The following MGAM variants were observed in gnomAD, a reference collection of about 807,000 sequenced individuals.
MGAM encodes the protein maltase-glucoamylase.
MGAM carries 253 observed loss-of-function variants against 358.8 expected under a neutral mutation model. The observed-to-expected ratio is 0.71, with a 90% CI of 0.64 to 0.78. The LOEUF (loss-of-function observed/expected upper bound fraction) is 0.78, where lower values mean the gene tolerates loss of function less well. MGAM is among the 30% of genes least tolerant of loss of function. The pLI, the probability that MGAM is intolerant of heterozygous loss-of-function variation, is 0.00. For synonymous variants in MGAM, 1,105 were observed against 1,227.1 expected, an observed-to-expected ratio of 0.90 and a Z score of 2.08; for missense variants, 3,080 against 3,432.6, an observed-to-expected ratio of 0.90 and a Z score of 2.57.
At chr7:142,036,037 A>C (rs1212509702) in intron 16 of MGAM, 132 bp from the exon 17 acceptor site, 1 of 652,828 alleles carries the variant, frequency 1.5e-6, no homozygotes. Flanking sequence ...GGCTATGACC[A>C]AATTTTGACC....
At chr7:142,021,330 G>A (rs975260149) in intron 5 of MGAM, among the ~76,000 whole-genome samples, 1 of 152,094 alleles carries the variant, frequency 6.6e-6, no homozygotes, top group Admixed American at 6.5e-5. Flanking sequence ...ATAACATGTG[G>A]AATATGGTAG....
rs1468968846 is a variant in MGAM, at chr7:142,058,087, A to G, written c.3694-116A>G. 12 of 1,516,772 alleles carry G rather than the reference A, an allele frequency of 7.9e-6. No homozygotes were observed. In the Admixed American group the frequency reaches 1.3e-4, roughly 17 times the overall value. The allele number at this position is 1,516,772 out of a possible 1,614,324, so 94.0% of individuals were successfully genotyped here. A position where few individuals can be genotyped will look rare whatever the true frequency, so the allele number is the denominator to read the frequency against. On this transcript the variant is annotated intron_variant, in intron 30 of 70. Transcript: ENST00000475668. ...CTATATCCTGTCAGTTTTGGTCTGG[A>G]TTTCAATTAGTTAGTTGTCTAGCTT...
chr7:142,102,788 C>T (rs528676724), intron 69 of MGAM, 109 bp downstream of exon 69: 299 of 1,081,864 alleles, frequency 2.8e-4, no homozygotes, highest in Non-Finnish European at 3.6e-4. Context: ...GCTCATCTTG[C>T]TAATTCACAT....
At chr7:142,100,559 A>T (rs1442760146) in intron 67 of MGAM, among the ~76,000 whole-genome samples, 2 of 152,246 alleles carry the variant, frequency 1.3e-5, no homozygotes, top group African/African-American at 4.8e-5. Flanking sequence ...TCTGGTTGTC[A>T]TTATTTTAAG....
chr7:142,001,432 G>A (rs117318323), intron 1 of MGAM, among the ~76,000 whole-genome samples: 4 of 152,122 alleles, frequency 2.6e-5, no homozygotes, highest in East Asian at 1.9e-4. Flanking sequence ...GAATGAGACC[G>A]CAAGGAAATA....
chr7:142,042,002 TATATATA>T (rs1329336830), intron 21 of MGAM, among the ~76,000 whole-genome samples: 3 of 14,092 alleles, frequency 2.1e-4, no homozygotes, highest in African/African-American at 8.3e-4. Context: ...ATATATATTA[TATATATA>T]ATATAATATA....
At chr7:142,095,800 A>G in intron 64 of MGAM, 87 bp downstream of exon 64, 1 of 1,566,042 alleles carries the variant, frequency 6.4e-7, no homozygotes, top group South Asian at 1.2e-5. Context: ...AATTAAAGAC[A>G]TGATTGCCTT....
At position 142,056,268 on chromosome 7, in the gene MGAM, T is replaced by A. The variant is rs527871877; in HGVS notation, c.3580+172T>A. 4.6e-5 allele frequency among the ~76,000 whole-genome samples: 7 copies of A among 152,358 alleles called. No homozygotes were observed. The South Asian group carries it at 1.5e-3, about 32-fold the overall frequency. On this transcript the variant is annotated intron_variant, in intron 29 of 70. Coordinates refer to ENST00000475668, the MANE Select transcript of MGAM (RefSeq NM_001365693.1). The stretch of plus-strand genomic sequence containing the variant: ...CTGTTTATTTCAATCTAATATCATG[T>A]AATAAGAAGATTTAACCCAACTCTC...
chr7:142,036,714 G>C, intron 17 of MGAM, 109 bp from the exon 18 acceptor site: 1 of 1,254,866 alleles, frequency 8.0e-7, no homozygotes, highest in Non-Finnish European at 1.1e-6. Context: ...CTTGGCCTCT[G>C]TCATTCAGGA....
intron 21 of MGAM, among the ~76,000 whole-genome samples, chr7:142,046,148 A>G (rs973042715): frequency 6.9e-6 from 1 of 144,584 alleles, no homozygotes; most frequent in Non-Finnish European, 1.5e-5. Context: ...TATTATATAT[A>G]TATTTATATT....
Position 142,094,631 on chromosome 7 carries a change from T to A in MGAM, c.7318T>A (p.Phe2440Ile). The change falls in exon 62 of 71, where the codon TTC becomes ATC. Residue 2440 changes from phenylalanine (F) to isoleucine (I), a missense_variant. Transcript: ENST00000475668. ...GCTTCTCGTTGCAGGCATGATGGAG[T>A]TCAGCCTCTTCGGCATATCCTATGT... ...LKKSIIGMMEFSLFGISYTGA... is the reference protein window; with the variant it reads ...LKKSIIGMMEISLFGISYTGA... 6.2e-7 allele frequency: 1 copy of A among 1,609,748 alleles called. No individual in the cohort carries two copies. Among genetic ancestry groups the A allele is most frequent in the Non-Finnish European group, 8.5e-7 (1 of 1,177,702 alleles).
chr7:142,085,836 G>T lies in MGAM; in HGVS notation c.6511G>T (p.Val2171Leu), dbSNP rs1229239572. The T allele has an allele frequency of 3.2e-6, 5 of 1,564,674 alleles. 1 individual carries two copies. Among genetic ancestry groups the T allele is most frequent in the Middle Eastern group, 1.7e-4 (1 of 5,962 alleles). Residue 2171 changes from valine (V) to leucine (L), a missense_variant, in exon 55 of 71, where the codon GTG becomes TTG. Transcript: ENST00000475668. ...EMVAAQIPYDVQYSDIDYMER... is the reference protein window; with the variant it reads ...EMVAAQIPYDLQYSDIDYMER... ...AGCTCCCCATGTCCTCCCGCAGGACGTGCAGTACTCAGACATCGACTACAT... is the reference window on the plus strand; with the variant it reads ...AGCTCCCCATGTCCTCCCGCAGGACTTGCAGTACTCAGACATCGACTACAT...
rs1809821929 is a variant in MGAM at position 142,044,821 on chromosome 7, A to G, written c.2499-2964A>G. On this transcript the variant is annotated intron_variant, in intron 21 of 70. Coordinates refer to ENST00000475668, the MANE Select transcript of MGAM (RefSeq NM_001365693.1). ...ATAATGTATATTATATACACGTGTA[A>G]TATATGATATATAATGTATATTACA... Among the ~76,000 whole-genome samples, 2 of 69,832 alleles carry G rather than the reference A, an allele frequency of 2.9e-5. 1 individual carries two copies. The highest frequency in any genetic ancestry group is 5.4e-5 in the Non-Finnish European group (2 of 37,030). The allele number at this position is 69,832 out of a possible 152,430, so 45.8% of individuals were successfully genotyped here.
intron 21 of MGAM, among the ~76,000 whole-genome samples, chr7:142,041,906 T>G (rs1218771767): frequency 0.095 from 1,936 of 20,282 alleles, 268 homozygotes; most frequent in African/African-American, 0.32. Flanking sequence ...ATATATATAT[T>G]ATATATATAC....
chr7:142,034,968 T>C lies in MGAM; in HGVS notation c.1959+127T>C, dbSNP rs1584954818. The C allele has an allele frequency of 1.1e-5, 10 of 896,186 alleles. No homozygotes were observed. The South Asian group carries it at 1.8e-4, about 16-fold the overall frequency. The allele number at this position is 896,186 out of a possible 1,614,324, so 55.5% of individuals were successfully genotyped here. A position where few individuals can be genotyped will look rare whatever the true frequency, so the allele number is the denominator to read the frequency against. On this transcript the variant is annotated intron_variant, in intron 16 of 70. Transcript: ENST00000475668. The stretch of plus-strand genomic sequence containing the variant: ...CTGGGGATTTAATATCTTGAGAGCA[T>C]GTGCTTCATCCACATCAGCAGGGCT...
At chr7:142,040,071 C>T in intron 19 of MGAM, 44 bp from the exon 20 acceptor site, 1 of 1,417,604 alleles carries the variant, frequency 7.1e-7, no homozygotes, top group Non-Finnish European at 9.9e-7. Flanking sequence ...AAAAAGAAAT[C>T]CATTTTATTT....
intron 49 of MGAM, among the ~76,000 whole-genome samples, chr7:142,080,242 G>A (rs184969550): frequency 6.8e-6 from 1 of 146,450 alleles, no homozygotes; most frequent in African/African-American, 2.4e-5. Context: ...GGTGTTGTGA[G>A]CTGCTCTCTT....
At chr7:141,991,506 G>A (rs1196086242), upstream of MGAM, among the ~76,000 whole-genome samples, 1 of 151,154 alleles carries the variant, frequency 6.6e-6, no homozygotes, top group Non-Finnish European at 1.5e-5. Flanking sequence ...GCACAATCTC[G>A]GCTCACTGCA....
chr7:142,031,429 A>C (rs1260757209), intron 12 of MGAM, among the ~76,000 whole-genome samples: 1 of 152,204 alleles, frequency 6.6e-6, no homozygotes, highest in Admixed American at 6.5e-5. Flanking sequence ...AAAGATGACT[A>C]AGTTAGACAA....
Sources: allele counts gnomAD v4.1 joint callset (sites outside exome capture counted in the v4.1 genomes callset), GRCh38; gene constraint gnomAD v4.1.1; transcripts MANE v1.5; gene names NCBI Gene and HGNC (gene_info 2026-07-23, HGNC 2026-07-21).